The following NEDD4L variants were observed in gnomAD, a reference collection of about 807,000 sequenced individuals.
NEDD4L encodes the protein E3 ubiquitin-protein ligase NEDD4-like.
NEDD4L carries 54 observed loss-of-function variants against 148.9 expected under a neutral mutation model. The ratio of observed to expected loss-of-function variants is 0.36; its 90% CI spans 0.29 to 0.45. The LOEUF (loss-of-function observed/expected upper bound fraction) is 0.45, where lower values mean the gene tolerates loss of function less well. Among genes scored for constraint, NEDD4L ranks in the 20% least tolerant of loss-of-function variants. The pLI, the probability that NEDD4L is intolerant of heterozygous loss-of-function variation, is 1.00. For synonymous variants in NEDD4L, 433 were observed against 440.7 expected, an observed-to-expected ratio of 0.98 and a Z score of 0.22; for missense variants, 856 against 1,233.8, an observed-to-expected ratio of 0.69 and a Z score of 4.59.
chr18:58,286,832 C>T lies in NEDD4L; in HGVS notation c.298-29150C>T, dbSNP rs17807227. On this transcript the variant is annotated intron_variant, in intron 5 of 30. Transcript: ENST00000400345. ...GTGATGAAGATGACATTATCCTGACCCGGGAGGCGCTCCTTATGTGCATAA... is the reference window on the plus strand; with the variant it reads ...GTGATGAAGATGACATTATCCTGACTCGGGAGGCGCTCCTTATGTGCATAA... Among the ~76,000 whole-genome samples the T allele has an allele frequency of 9.9e-4, 151 of 152,218 alleles. 1 individual carries two copies. Among genetic ancestry groups the T allele is most frequent in the Middle Eastern group, 3.4e-3 (1 of 294 alleles).
At chr18:58,095,878 A>G (rs1568209600) in intron 1 of NEDD4L, among the ~76,000 whole-genome samples, 2 of 152,046 alleles carry the variant, frequency 1.3e-5, no homozygotes, top group Admixed American at 6.6e-5. Flanking sequence ...GTGACCCAAC[A>G]CAAATTCGTA....
chr18:58,174,274 T>C (rs2146809303), intron 2 of NEDD4L, among the ~76,000 whole-genome samples: 1 of 152,002 alleles, frequency 6.6e-6, no homozygotes, highest in African/African-American at 2.4e-5. Flanking sequence ...GCAGGTAGTA[T>C]TGGAAAAGGC....
chr18:58,232,329 GCTGAGATCC>G (rs1316339817), intron 2 of NEDD4L, among the ~76,000 whole-genome samples: 1 of 152,184 alleles, frequency 6.6e-6, no homozygotes, highest in Non-Finnish European at 1.5e-5. Context: ...ATTTAACCAG[GCTGAGATCC>G]CTGAGATCCA....
At chr18:58,390,485 A>G (rs1205900434) in intron 28 of NEDD4L, 161 bp from the exon 29 acceptor site, 3 of 561,328 alleles carry the variant, frequency 5.3e-6, no homozygotes, top group South Asian at 5.1e-5. Flanking sequence ...TAGAGAGGCC[A>G]GCTAGTATTG....
In NEDD4L at chr18:58,238,797, T is replaced by C. The variant is rs150871609; in HGVS notation, c.123-6630T>C. On this transcript the variant is annotated intron_variant, in intron 2 of 30. Transcript: ENST00000400345. ...GCCATGTTGTTTCCCAGAAAAGATA[T>C]AATAATTATTCCTTCCAGTAGTAGA... 4.8e-3 allele frequency among the ~76,000 whole-genome samples: 738 copies of C among 152,318 alleles called. 7 individuals are homozygous for C. The highest frequency in any genetic ancestry group is 0.017 in the African/African-American group (706 of 41,562).
At chr18:58,174,935 A>G (rs1177869285) in intron 2 of NEDD4L, among the ~76,000 whole-genome samples, 1 of 152,208 alleles carries the variant, frequency 6.6e-6, no homozygotes, top group African/African-American at 2.4e-5. Context: ...ACATTGTACA[A>G]AGTAAATCTC....
intron 1 of NEDD4L, among the ~76,000 whole-genome samples, chr18:58,072,935 G>A (rs769140046): frequency 2.0e-5 from 3 of 151,008 alleles, no homozygotes; most frequent in Non-Finnish European, 4.4e-5. Context: ...GAGTTTACAA[G>A]CTTGTACATA....
At chr18:58,306,659 C>G (rs533756635) in intron 5 of NEDD4L, among the ~76,000 whole-genome samples, 11 of 150,852 alleles carry the variant, frequency 7.3e-5, no homozygotes, top group African/African-American at 2.7e-4. Flanking sequence ...GAATTTTGCT[C>G]TTGTCACCCA....
intron 2 of NEDD4L, among the ~76,000 whole-genome samples, chr18:58,221,033 G>A (rs1194477765): frequency 6.6e-6 from 1 of 152,162 alleles, no homozygotes; most frequent in Non-Finnish European, 1.5e-5. Context: ...TCTCTCATCT[G>A]ACTATTGATT....
At chr18:58,086,256 C>T (rs1253304925) in intron 1 of NEDD4L, among the ~76,000 whole-genome samples, 1 of 152,102 alleles carries the variant, frequency 6.6e-6, no homozygotes, top group African/African-American at 2.4e-5. Context: ...TGTAAAATGT[C>T]CTACCTGTTG....
chr18:58,249,193 T>C (rs1194116247), intron 4 of NEDD4L, among the ~76,000 whole-genome samples: 1 of 152,208 alleles, frequency 6.6e-6, no homozygotes, highest in Non-Finnish European at 1.5e-5. Context: ...ATCTTTTGAA[T>C]TCAAACCTTT....
At chr18:58,058,971 A>G (rs1174074871) in intron 1 of NEDD4L, among the ~76,000 whole-genome samples, 23 of 152,244 alleles carry the variant, frequency 1.5e-4, no homozygotes, top group Admixed American at 1.5e-3. Context: ...TACTCCATTC[A>G]AGTGATGATC....
chr18:58,324,500 C>T (rs2144367881), intron 8 of NEDD4L, among the ~76,000 whole-genome samples: 1 of 152,298 alleles, frequency 6.6e-6, no homozygotes, highest in East Asian at 1.9e-4. Context: ...GGACTCTGGG[C>T]CTCTGGTCCC....
At chr18:58,387,901 C>T (rs1223320782) in intron 27 of NEDD4L, 1 of 159,338 alleles carries the variant, frequency 6.3e-6, no homozygotes, top group Non-Finnish European at 1.4e-5. Flanking sequence ...CACTACCAGA[C>T]TGGCCAAGTA....
At chr18:58,105,316 T>C (rs1214352379) in intron 1 of NEDD4L, among the ~76,000 whole-genome samples, 1 of 152,146 alleles carries the variant, frequency 6.6e-6, no homozygotes, top group Non-Finnish European at 1.5e-5. Context: ...TCAATCCATA[T>C]CTCCCTGTTC....
At chr18:58,113,816 G>A (rs1331353946) in intron 1 of NEDD4L, among the ~76,000 whole-genome samples, 1 of 152,192 alleles carries the variant, frequency 6.6e-6, no homozygotes, top group Non-Finnish European at 1.5e-5. Context: ...GATGGATTGG[G>A]ATTGGGGGTG....
At chr18:58,200,331 TGA>T (rs1237637716) in intron 2 of NEDD4L, among the ~76,000 whole-genome samples, 3 of 152,232 alleles carry the variant, frequency 2.0e-5, no homozygotes, top group African/African-American at 7.2e-5. Flanking sequence ...AGGTGCCAGT[TGA>T]AATACTGTCA....
chr18:58,164,060 C>A (rs2036550302), intron 1 of NEDD4L, among the ~76,000 whole-genome samples: 1 of 146,942 alleles, frequency 6.8e-6, no homozygotes, highest in Non-Finnish European at 1.5e-5. Context: ...GAGACCGAGT[C>A]TCAAAAACAA....
chr18:58,269,957 A>G (rs2050790269), intron 5 of NEDD4L, among the ~76,000 whole-genome samples: 2 of 152,252 alleles, frequency 1.3e-5, no homozygotes, highest in Admixed American at 6.5e-5. Context: ...AAGCATATAT[A>G]AAAGAGCTTC....
Sources: allele counts gnomAD v4.1 joint callset (sites outside exome capture counted in the v4.1 genomes callset), GRCh38; gene constraint gnomAD v4.1.1; transcripts MANE v1.5; gene names NCBI Gene and HGNC (gene_info 2026-07-23, HGNC 2026-07-21).